BICD1: variants seen among roughly 807,000 people sequenced by gnomAD.
BICD1 encodes the protein BICD cargo adaptor 1.
In BICD1, 35 loss-of-function variants were observed where a neutral mutation model predicts 92.5. The observed-to-expected ratio is 0.38, with a 90% CI of 0.29 to 0.50. The LOEUF (loss-of-function observed/expected upper bound fraction) is 0.50. Ranked by LOEUF, BICD1 falls within the 20% of genes least tolerant of loss-of-function variation. The probability of loss-of-function intolerance (pLI) is 0.93; values close to 1 mark genes in which losing one functional copy is unlikely to be tolerated. For missense variants in BICD1, 950 were observed against 1,189.8 expected, an observed-to-expected ratio of 0.80 and a Z score of 2.97; for synonymous variants, 429 against 465.1, an observed-to-expected ratio of 0.92 and a Z score of 1.00.
rs200580732 is a variant in BICD1 at position 32,377,877 on chromosome 12, T to A, written c.*250T>A. The A allele has an allele frequency of 2.9e-5, 11 of 379,878 alleles. No homozygotes were observed. Among genetic ancestry groups the A allele is most frequent in the Admixed American group, 8.0e-5 (2 of 25,146 alleles). 23.5% of individuals were successfully genotyped at this position (379,878 alleles called of 1,614,324 possible). On this transcript the variant is annotated 3_prime_UTR_variant, in exon 10 of 10. Transcript: ENST00000652176. ...CAAATGGCTACAGTTCATTTAAATT[T>A]AAAAAAAAGAAAAAAGAAACAGAAA...
chr12:32,286,026 C>T (rs1025746592), intron 2 of BICD1, among the ~76,000 whole-genome samples: 3 of 152,172 alleles, frequency 2.0e-5, no homozygotes, highest in African/African-American at 7.2e-5. Context: ...TGTGTCTGTT[C>T]ATCTCAGTGA....
intron 9 of BICD1, among the ~76,000 whole-genome samples, chr12:32,372,411 C>T (rs1939773881): frequency 1.3e-5 from 2 of 151,936 alleles, no homozygotes. Flanking sequence ...AACAGGGAGG[C>T]GGAGGTTGCA....
At chr12:32,236,190 C>T (rs1946068069) in intron 2 of BICD1, among the ~76,000 whole-genome samples, 2 of 150,996 alleles carry the variant, frequency 1.3e-5, no homozygotes. Context: ...GTCAGGAATT[C>T]GAGATCAGCC....
chr12:32,345,148 T>A (rs1938518635), intron 8 of BICD1, among the ~76,000 whole-genome samples: 1 of 151,784 alleles, frequency 6.6e-6, no homozygotes, highest in South Asian at 2.1e-4. Context: ...ATTAGCTGGA[T>A]GTGCTGGCAT....
At chr12:32,191,021 G>A (rs960036011) in intron 1 of BICD1, among the ~76,000 whole-genome samples, 5 of 152,162 alleles carry the variant, frequency 3.3e-5, no homozygotes, top group African/African-American at 1.2e-4. Flanking sequence ...AGAGAGATTA[G>A]GAAGTATCTT....
At chr12:32,306,534 C>G (rs772192903) in intron 4 of BICD1, among the ~76,000 whole-genome samples, 1 of 152,068 alleles carries the variant, frequency 6.6e-6, no homozygotes, top group Non-Finnish European at 1.5e-5. Context: ...TGAGCCACCG[C>G]GCCCAGCCCC....
chr12:32,337,765 A>G lies in BICD1; in HGVS notation c.2519A>G (p.Gln840Arg). The G allele has an allele frequency of 6.2e-7, 1 of 1,614,192 alleles. No homozygotes were observed. ...PTIDTYLLHS[Q>R]GPQTPNIRVS... ...ATAGACACTTACCTCCTGCATAGTCAGGGCCCACAGACACCCAACATTCGG... is the reference window on the plus strand; with the variant it reads ...ATAGACACTTACCTCCTGCATAGTCGGGGCCCACAGACACCCAACATTCGG... The change falls in exon 7 of 10, where the codon CAG becomes CGG. Residue 840 changes from glutamine to arginine, a missense_variant. Gln to Arg is a conservative substitution (Grantham distance 43). Transcript: ENST00000652176. This position sits in a 1 kb window ranked among gnomAD's most constrained non-coding sequence, Gnocchi z 4.7.
intron 3 of BICD1, among the ~76,000 whole-genome samples, chr12:32,299,632 G>A (rs1390319907): frequency 1.6e-4 from 25 of 152,122 alleles, no homozygotes; most frequent in Non-Finnish European, 1.0e-4. Flanking sequence ...AGGAGGCCAA[G>A]TCACGAGGAT....
intron 1 of BICD1, among the ~76,000 whole-genome samples, chr12:32,129,524 CAAAAAAA>C (rs756293470): frequency 1.2e-5 from 1 of 82,674 alleles, no homozygotes; most frequent in African/African-American, 4.8e-5. Context: ...GATTCCATCT[CAAAAAAA>C]AAAAAAAAAA....
At chr12:32,278,811 G>T (rs898063759) in intron 2 of BICD1, among the ~76,000 whole-genome samples, 3 of 152,178 alleles carry the variant, frequency 2.0e-5, no homozygotes, top group African/African-American at 7.2e-5. Context: ...AGCCGAGATT[G>T]CGCCACTGCA....
At chr12:32,137,083 G>T (rs1027735154) in intron 1 of BICD1, among the ~76,000 whole-genome samples, 2 of 151,926 alleles carry the variant, frequency 1.3e-5, no homozygotes, top group African/African-American at 4.8e-5. Flanking sequence ...TTTTGTTGTT[G>T]TTGTTTTTGT....
At chr12:32,270,656 C>T (rs1277116650) in intron 2 of BICD1, among the ~76,000 whole-genome samples, 1 of 152,176 alleles carries the variant, frequency 6.6e-6, no homozygotes, top group Non-Finnish European at 1.5e-5. Context: ...AAAAGTGAAA[C>T]ACCACCCATA....
intron 2 of BICD1, among the ~76,000 whole-genome samples, chr12:32,233,988 G>C (rs893264396): frequency 6.6e-6 from 1 of 152,170 alleles, no homozygotes; most frequent in East Asian, 1.9e-4. Flanking sequence ...ATATACTTGA[G>C]CAACCTAATG....
At chr12:32,231,641 A>G (rs1404599617) in intron 2 of BICD1, among the ~76,000 whole-genome samples, 1 of 151,816 alleles carries the variant, frequency 6.6e-6, no homozygotes. Context: ...CACATTGTGC[A>G]GATTAGTTAC....
At chr12:32,112,025 A>C (rs944294432) in intron 1 of BICD1, among the ~76,000 whole-genome samples, 1 of 30,616 alleles carries the variant, frequency 3.3e-5, no homozygotes, top group Non-Finnish European at 6.1e-5. Flanking sequence ...TTTTTTTTTG[A>C]GATGGAGTTT....
At chr12:32,326,404 G>A (rs1334623751) in intron 4 of BICD1, among the ~76,000 whole-genome samples, 3 of 152,124 alleles carry the variant, frequency 2.0e-5, no homozygotes, top group Non-Finnish European at 4.4e-5. Context: ...ATATACCTAT[G>A]TTTAATGAGA....
chr12:32,139,987 C>G (rs967208039), intron 1 of BICD1, among the ~76,000 whole-genome samples: 1 of 152,186 alleles, frequency 6.6e-6, no homozygotes, highest in Non-Finnish European at 1.5e-5. Context: ...GTACCGAGGA[C>G]GGATCTCAGC....
intron 3 of BICD1, among the ~76,000 whole-genome samples, chr12:32,294,796 A>C (rs1459794640): frequency 2.6e-5 from 4 of 151,852 alleles, no homozygotes; most frequent in Admixed American, 2.6e-4. Flanking sequence ...TTATAAGAAA[A>C]AGAGGCCGGG....
chr12:32,147,438 T>G (rs1172813682), intron 1 of BICD1, among the ~76,000 whole-genome samples: 1 of 152,168 alleles, frequency 6.6e-6, no homozygotes, highest in Non-Finnish European at 1.5e-5. Context: ...GATATTTGAT[T>G]AATTATCGAC....
Sources: gnomAD v4.1 joint callset for allele counts (sites outside exome capture counted in the v4.1 genomes callset) on GRCh38, gnomAD v4.1.1 for gene constraint, Gnocchi (gnomAD v3.1) non-coding constraint, MANE v1.5 for transcripts, NCBI Gene and HGNC (gene_info 2026-07-23, HGNC 2026-07-21) for gene names.